Variants in ACOXL observed in about 807,000 individuals in gnomAD.
ACOXL encodes acyl-CoA oxidase like.
Under a neutral mutation model 71.9 loss-of-function variants are expected in ACOXL, and 70 were observed. The ratio of observed to expected loss-of-function variants is 0.97; its 90% CI spans 0.80 to 1.19. The LOEUF is 1.19. Ranked by LOEUF, ACOXL falls within the 50% of genes most tolerant of loss-of-function variation. ACOXL has a pLI of 0.00. For missense variants in ACOXL, 703 were observed against 736.3 expected, an observed-to-expected ratio of 0.95 and a Z score of 0.52; for synonymous variants, 253 against 281.6, an observed-to-expected ratio of 0.90 and a Z score of 1.02.
chr2:110,821,964 T>C (rs1227208197), intron 9 of ACOXL, among the ~76,000 whole-genome samples: 2 of 152,072 alleles, frequency 1.3e-5, no homozygotes, highest in Non-Finnish European at 2.9e-5. Context: ...TGAGTGTGTG[T>C]GTGAGTGTGT....
intron 2 of ACOXL, among the ~76,000 whole-genome samples, chr2:110,778,576 C>T (rs887960287): frequency 1.3e-5 from 2 of 152,240 alleles, no homozygotes; most frequent in South Asian, 2.1e-4. Flanking sequence ...ACTGAGGAGC[C>T]ATGTGGCCTT....
intron 1 of ACOXL, among the ~76,000 whole-genome samples, chr2:110,742,863 A>T (rs1252507598): frequency 1.3e-5 from 2 of 152,268 alleles, no homozygotes; most frequent in African/African-American, 2.4e-5. Context: ...TCCCAAAAGC[A>T]TAGGCGATAA....
intron 17 of ACOXL, among the ~76,000 whole-genome samples, chr2:111,111,191 C>G (rs1052313082): frequency 2.6e-5 from 4 of 152,098 alleles, no homozygotes; most frequent in Admixed American, 6.5e-5. Context: ...CCTCCACCTC[C>G]TGGGCTCAAG....
rs950478067 is a variant in ACOXL at position 110,811,783 on chromosome 2, A to G, written c.753+6388A>G. Among the ~76,000 whole-genome samples the G allele has an allele frequency of 8.3e-4, 124 of 149,342 alleles. 1 individual carries two copies. The highest frequency in any genetic ancestry group is 6.6e-3 in the East Asian group (34 of 5,120). On this transcript the variant is annotated intron_variant, in intron 9 of 17. Transcript: ENST00000439055. ...CACACACACACACACACACACACAC[A>G]CACGCGGGGAGGAGAGAAGCAGGAC...
At chr2:111,054,023 C>G (rs2066419208) in intron 16 of ACOXL, among the ~76,000 whole-genome samples, 1 of 152,180 alleles carries the variant, frequency 6.6e-6, no homozygotes, top group Admixed American at 6.5e-5. Context: ...GCCTTCCCTG[C>G]TCTAGTGATG....
At position 110,901,018 on chromosome 2, in the gene ACOXL, A is replaced by G. The variant is rs17041613; in HGVS notation, c.789-7771A>G. On this transcript the variant is annotated intron_variant, in intron 10 of 17. Transcript: ENST00000439055. ...TTGTGGGAGGAGGCAGCCTGATCCT[A>G]ATCCTGTACGGATCTGCAGCCTGCT... Among the ~76,000 whole-genome samples the G allele has an allele frequency of 9.9e-3, 1,510 of 152,272 alleles. 28 individuals are homozygous for G. The highest frequency in any genetic ancestry group is 0.034 in the African/African-American group (1,421 of 41,544).
At chr2:110,794,512 G>T (rs541332592) in intron 5 of ACOXL, among the ~76,000 whole-genome samples, 2 of 152,314 alleles carry the variant, frequency 1.3e-5, no homozygotes, top group East Asian at 3.9e-4. Context: ...CCTAGCAGTA[G>T]CAGGAACAGA....
chr2:111,055,515 C>T (rs1174298617), intron 16 of ACOXL, among the ~76,000 whole-genome samples: 1 of 152,264 alleles, frequency 6.6e-6, no homozygotes, highest in Non-Finnish European at 1.5e-5. Flanking sequence ...CCAAGGACCT[C>T]ATCTTGGCCC....
rs1686489019 is a variant in ACOXL, at chr2:110,805,250, C to G, written c.621-13C>G. The G allele has an allele frequency of 5.0e-6, 8 of 1,613,914 alleles. No homozygotes were observed. The highest frequency in any genetic ancestry group is 1.3e-5 in the African/African-American group (1 of 75,056). Reference sequence around the variant, plus strand: ...CCTGCTTTTTTGTGAAACCCCACCTCTCTTTTCCACAGGTTTGGTTCCGTG... The same window carrying G: ...CCTGCTTTTTTGTGAAACCCCACCTGTCTTTTCCACAGGTTTGGTTCCGTG... On this transcript the variant is annotated splice_polypyrimidine_tract_variant and intron_variant, in intron 8 of 17. Coordinates refer to ENST00000439055, the MANE Select transcript of ACOXL (RefSeq NM_001142807.4).
At chr2:110,995,307 C>G (rs1267155275) in intron 13 of ACOXL, among the ~76,000 whole-genome samples, 1 of 150,790 alleles carries the variant, frequency 6.6e-6, no homozygotes, top group Non-Finnish European at 1.5e-5. Flanking sequence ...CAAGACCAGC[C>G]TGGCCAATAT....
chr2:111,006,073 T>C (rs1558858643), intron 14 of ACOXL, among the ~76,000 whole-genome samples: 3 of 152,176 alleles, frequency 2.0e-5, no homozygotes. Flanking sequence ...AGACAGGAAA[T>C]AAAATTAGTA....
intron 10 of ACOXL, among the ~76,000 whole-genome samples, chr2:110,908,156 G>A (rs2059525572): frequency 6.6e-6 from 1 of 152,240 alleles, no homozygotes; most frequent in Admixed American, 6.5e-5. Context: ...GGCATTGCCT[G>A]TGGGGACAAT....
At position 110,948,704 on chromosome 2, in the gene ACOXL, A is replaced by G. The variant is rs1306553612; in HGVS notation, c.1059+15062A>G. On this transcript the variant is annotated intron_variant, in intron 12 of 17. Transcript: ENST00000439055. The stretch of plus-strand genomic sequence containing the variant: ...GGACCAAGGAAGATCCAGAAGAACT[A>G]AAAAAAAAAAAAAAAAAAAAAAAAT... 7.5e-5 allele frequency among the ~76,000 whole-genome samples: 3 copies of G among 40,250 alleles called. No homozygotes were observed. The East Asian group carries it at 2.8e-3, about 37-fold the overall frequency. 26.4% of individuals were successfully genotyped at this position (40,250 alleles called of 152,430 possible).
chr2:110,762,775 A>T (rs1342653213), intron 1 of ACOXL, among the ~76,000 whole-genome samples: 1 of 151,732 alleles, frequency 6.6e-6, no homozygotes, highest in African/African-American at 2.4e-5. Context: ...CCTACCTCAG[A>T]CTCCCAAGTA....
chr2:110,952,270 C>T (rs2061357461), intron 12 of ACOXL, among the ~76,000 whole-genome samples: 1 of 152,054 alleles, frequency 6.6e-6, no homozygotes, highest in Non-Finnish European at 1.5e-5. Flanking sequence ...CCATAAAGTC[C>T]ATGATACCCT....
At chr2:110,920,268 T>A (rs528656190) in intron 11 of ACOXL, among the ~76,000 whole-genome samples, 47 of 152,342 alleles carry the variant, frequency 3.1e-4, no homozygotes, top group African/African-American at 1.1e-3. Flanking sequence ...TTGTTTTCTG[T>A]CTTTCTGATA....
chr2:110,795,442 C>T (rs1260196017), intron 5 of ACOXL, among the ~76,000 whole-genome samples: 1 of 152,222 alleles, frequency 6.6e-6, no homozygotes, highest in Non-Finnish European at 1.5e-5. Flanking sequence ...ATGTTTCCCC[C>T]CAGCAACAGT....
chr2:110,886,767 G>A, intron 10 of ACOXL: 1 of 1,550,780 alleles, frequency 6.4e-7, no homozygotes, highest in Non-Finnish European at 8.7e-7. Flanking sequence ...TCACTTTTCT[G>A]TCCCTTTTTC....
chr2:110,739,975 A>C (rs1442112910), intron 1 of ACOXL, among the ~76,000 whole-genome samples: 1 of 152,170 alleles, frequency 6.6e-6, no homozygotes, highest in Non-Finnish European at 1.5e-5. Flanking sequence ...TGATATCCAG[A>C]ACTTGTAGAC....
Sources: gnomAD v4.1 joint callset for allele counts (sites outside exome capture counted in the v4.1 genomes callset) on GRCh38, gnomAD v4.1.1 for gene constraint, MANE v1.5 for transcripts, NCBI Gene and HGNC (gene_info 2026-07-23, HGNC 2026-07-21) for gene names.